Variants in VPS13B observed in about 807,000 individuals in gnomAD.
VPS13B encodes intermembrane lipid transfer protein VPS13B.
A neutral mutation model predicts 426.4 loss-of-function variants in VPS13B; 285 were observed. That is an observed-to-expected ratio of 0.67 (90% CI 0.61 to 0.74). The LOEUF is 0.74. Ranked by LOEUF, VPS13B falls within the 30% of genes least tolerant of loss-of-function variation. The pLI is 0.00. For synonymous variants in VPS13B, 1,676 were observed against 1,676.4 expected (o/e 1.00, Z 0.01); for missense variants, 4,537 against 4,782.6 (o/e 0.95, Z 1.51).
intron 16 of VPS13B, among the ~76,000 whole-genome samples, chr8:99,180,866 G>A (rs1293871126): frequency 1.3e-5 from 2 of 152,136 alleles, no homozygotes; most frequent in African/African-American, 2.4e-5. Flanking sequence ...GAGAAGTAAA[G>A]ATTTAAACAA....
chr8:99,446,820 C>G (rs938024716), intron 23 of VPS13B, among the ~76,000 whole-genome samples: 3 of 152,116 alleles, frequency 2.0e-5, no homozygotes, highest in African/African-American at 7.2e-5. Context: ...CAAGAATATT[C>G]CCAGTACTCA....
intron 35 of VPS13B, among the ~76,000 whole-genome samples, chr8:99,670,002 G>T (rs1830642619): frequency 6.6e-6 from 1 of 152,054 alleles, no homozygotes; most frequent in South Asian, 2.1e-4. Flanking sequence ...GAGTTCTTAG[G>T]TACAGTAACA....
At chr8:99,208,129 C>A (rs1285338303) in intron 17 of VPS13B, among the ~76,000 whole-genome samples, 1 of 152,134 alleles carries the variant, frequency 6.6e-6, no homozygotes, top group African/African-American at 2.4e-5. Flanking sequence ...CAGTAGCTGG[C>A]GTGTCACATC....
At chr8:99,485,558 T>C (rs894585980) in intron 25 of VPS13B, among the ~76,000 whole-genome samples, 2 of 152,172 alleles carry the variant, frequency 1.3e-5, no homozygotes, top group African/African-American at 4.8e-5. Context: ...TTACCACAGA[T>C]ACAAATAACA....
chr8:99,275,168 G>T lies in VPS13B; in HGVS notation c.2738G>T (p.Ser913Ile), dbSNP rs751622263. 5 of 1,612,852 alleles carry T rather than the reference G, an allele frequency of 3.1e-6. No individual in the cohort carries two copies. The East Asian group carries it at 1.1e-4, about 36-fold the overall frequency. The change falls in exon 19 of 62, where the codon AGT (serine) becomes ATT (isoleucine). Residue 913 changes from serine to isoleucine, a missense_variant. Physicochemically the swap from Ser to Ile is moderately radical, Grantham distance 142. Around this residue, in one of 2 missense-constraint regions of VPS13B, gnomAD observed 4,311 missense variants for 4,474.3 expected, o/e 0.96. Transcript: ENST00000357162. ...DLHSTKWLNE[S>I]RKPESLLAPD... ...CATAGCACCAAGTGGCTCAATGAGA[G>T]TAGAAAGCCAGAGTCTCTCTTAGCT... is the stretch of plus-strand genomic sequence containing the variant.
intron 33 of VPS13B, among the ~76,000 whole-genome samples, chr8:99,582,950 T>C (rs376043324): frequency 7.2e-5 from 11 of 152,346 alleles, no homozygotes; most frequent in East Asian, 1.9e-4. Flanking sequence ...CCACTGCGCC[T>C]GGCCACTCAT....
intron 17 of VPS13B, among the ~76,000 whole-genome samples, chr8:99,259,418 T>A (rs6990741): frequency 0.84 from 128,158 of 152,020 alleles, 54,725 homozygotes; most frequent in African/African-American, 0.94. Context: ...CTAATGTTCT[T>A]TGGCAACCCC....
At chr8:99,328,913 T>A (rs1810417463) in intron 19 of VPS13B, among the ~76,000 whole-genome samples, 1 of 152,108 alleles carries the variant, frequency 6.6e-6, no homozygotes, top group Non-Finnish European at 1.5e-5. Context: ...TTAAAAATCT[T>A]TGTAAGTTTG....
At chr8:99,281,014 G>A (rs765933545) in intron 19 of VPS13B, among the ~76,000 whole-genome samples, 207 of 152,080 alleles carry the variant, frequency 1.4e-3, no homozygotes, top group African/African-American at 4.5e-3. Flanking sequence ...CTGTTTTGGC[G>A]CCAGGGACCT....
At chr8:99,191,228 T>A (rs1353372595) in intron 16 of VPS13B, among the ~76,000 whole-genome samples, 1 of 151,906 alleles carries the variant, frequency 6.6e-6, no homozygotes, top group African/African-American at 2.4e-5. Flanking sequence ...GCAATTTGAT[T>A]ATAATATGCC....
At chr8:99,378,673 T>G (rs1035230221) in intron 19 of VPS13B, among the ~76,000 whole-genome samples, 2 of 152,212 alleles carry the variant, frequency 1.3e-5, no homozygotes, top group Non-Finnish European at 2.9e-5. Context: ...TTGGGGTCCC[T>G]GACTTCCCGC....
chr8:99,582,708 T>A (rs1437461643), intron 33 of VPS13B, among the ~76,000 whole-genome samples: 1 of 152,062 alleles, frequency 6.6e-6, no homozygotes, highest in Non-Finnish European at 1.5e-5. Context: ...CAGGCAGGAG[T>A]GCAGTGGCGC....
chr8:99,425,277 G>T (rs1055694418), intron 21 of VPS13B, among the ~76,000 whole-genome samples: 2 of 152,120 alleles, frequency 1.3e-5, no homozygotes, highest in African/African-American at 4.8e-5. Flanking sequence ...GAGAATTTTA[G>T]ACCAATATCC....
intron 12 of VPS13B, among the ~76,000 whole-genome samples, chr8:99,137,467 A>G (rs1810132619): frequency 1.3e-5 from 2 of 152,024 alleles, no homozygotes; most frequent in South Asian, 2.1e-4. Flanking sequence ...TGAACTAGGC[A>G]TTTAAGTAAA....
chr8:99,269,307 G>A (rs535610128), intron 17 of VPS13B, among the ~76,000 whole-genome samples: 8 of 152,126 alleles, frequency 5.3e-5, no homozygotes, highest in Middle Eastern at 3.4e-3. Flanking sequence ...AGTACCTTAG[G>A]GATACCTCTT....
chr8:99,342,089 CTTTA>C (rs1418864540), intron 19 of VPS13B, among the ~76,000 whole-genome samples: 3 of 152,026 alleles, frequency 2.0e-5, no homozygotes, highest in Non-Finnish European at 4.4e-5. Flanking sequence ...ATTGTATACT[CTTTA>C]TTATTTAAAA....
intron 15 of VPS13B, among the ~76,000 whole-genome samples, chr8:99,163,906 G>A (rs1811838815): frequency 6.6e-6 from 1 of 152,238 alleles, no homozygotes; most frequent in Non-Finnish European, 1.5e-5. Flanking sequence ...CCCAGGCAGG[G>A]GAGGTGCTGA....
chr8:99,549,115 G>A (rs1824143042), intron 30 of VPS13B, among the ~76,000 whole-genome samples: 1 of 152,072 alleles, frequency 6.6e-6, no homozygotes, highest in Admixed American at 6.6e-5. Context: ...GTGTTTTAAA[G>A]ATGCAAGAAT....
chr8:99,703,967 A>G (rs986993654), intron 36 of VPS13B, among the ~76,000 whole-genome samples: 7 of 152,118 alleles, frequency 4.6e-5, no homozygotes, highest in African/African-American at 1.7e-4. Flanking sequence ...ATAGAATATG[A>G]GCAAGTTAGG....
Sources: gnomAD v4.1 joint callset for allele counts (sites outside exome capture counted in the v4.1 genomes callset) on GRCh38, gnomAD v4.1.1 for gene constraint, gnomAD v4.1.1 regional missense constraint, MANE v1.5 for transcripts, NCBI Gene and HGNC (gene_info 2026-07-23, HGNC 2026-07-21) for gene names.